The following STRN variants were observed in gnomAD, a reference collection of about 807,000 sequenced individuals.
STRN encodes striatin, also known as protein phosphatase 2 regulatory subunit B'''alpha.
STRN carries 53 observed loss-of-function variants against 96.3 expected under a neutral mutation model. That is an observed-to-expected ratio of 0.55 (90% CI 0.44 to 0.69). The LOEUF is 0.69. Ranked by LOEUF, STRN falls within the 30% of genes least tolerant of loss-of-function variation. The probability of loss-of-function intolerance (pLI) is 0.00; values close to 1 mark genes in which losing one functional copy is unlikely to be tolerated. For missense variants in STRN, 987 were observed against 963.9 expected (o/e 1.02, Z -0.32); for synonymous variants, 428 against 355.9 (o/e 1.20, Z -2.28).
chr2:36,879,169 C>A (rs1290764442), intron 9 of STRN, among the ~76,000 whole-genome samples: 2 of 152,014 alleles, frequency 1.3e-5, no homozygotes, highest in Non-Finnish European at 2.9e-5. Context: ...CTCCTGGGTT[C>A]AAGCAATTCT....
At chr2:36,885,219 T>C (rs1269623816) in intron 8 of STRN, among the ~76,000 whole-genome samples, 1 of 152,146 alleles carries the variant, frequency 6.6e-6, no homozygotes, top group Non-Finnish European at 1.5e-5. Context: ...GAATAACCAA[T>C]GGAAAAGTAG....
At chr2:36,958,972 A>T (rs958690480) in intron 1 of STRN, among the ~76,000 whole-genome samples, 1 of 151,992 alleles carries the variant, frequency 6.6e-6, no homozygotes, top group Admixed American at 6.6e-5. Context: ...AAAAATTAGC[A>T]GGGCATGGTG....
intron 10 of STRN, 126 bp from the exon 11 acceptor site, chr2:36,869,855 T>C (rs1668719420): frequency 2.7e-6 from 2 of 730,772 alleles, no homozygotes; most frequent in Non-Finnish European, 3.9e-6. Context: ...TAAAACAATA[T>C]AATTTTTATA....
At chr2:36,858,990 A>T (rs1668415357) in intron 13 of STRN, among the ~76,000 whole-genome samples, 1 of 152,204 alleles carries the variant, frequency 6.6e-6, no homozygotes, top group African/African-American at 2.4e-5. Context: ...ATGATTGACA[A>T]GAAGGCAGCA....
chr2:36,860,336 G>A (rs1262220669), intron 13 of STRN, among the ~76,000 whole-genome samples: 1 of 152,118 alleles, frequency 6.6e-6, no homozygotes. Context: ...GGAAAGACAT[G>A]GAACAGATAA....
At chr2:36,893,818 T>C (rs1390459458) in intron 7 of STRN, 80 bp downstream of exon 7, 5 of 1,483,980 alleles carry the variant, frequency 3.4e-6, no homozygotes, top group Non-Finnish European at 2.7e-6. Context: ...ACATTATAGT[T>C]AAGATGTTGC....
chr2:36,917,296 T>C (rs1053170812), intron 2 of STRN, among the ~76,000 whole-genome samples: 2 of 151,504 alleles, frequency 1.3e-5, no homozygotes, highest in Admixed American at 1.3e-4. Flanking sequence ...CCAAGGTAGA[T>C]GGATCACCAG....
At chr2:36,961,961 T>C (rs1273353856) in intron 1 of STRN, among the ~76,000 whole-genome samples, 3 of 152,170 alleles carry the variant, frequency 2.0e-5, no homozygotes, top group African/African-American at 7.2e-5. Flanking sequence ...GAGATCACCT[T>C]TTCAGGTCTT....
intron 6 of STRN, among the ~76,000 whole-genome samples, chr2:36,897,031 G>A (rs543185670): frequency 6.6e-6 from 1 of 152,164 alleles, no homozygotes; most frequent in South Asian, 2.1e-4. Context: ...GCCGGGTGTG[G>A]TGGTGCATGC....
At chr2:36,886,599 G>A (rs1669233827) in intron 8 of STRN, 117 bp downstream of exon 8, 9 of 728,268 alleles carry the variant, frequency 1.2e-5, no homozygotes, top group South Asian at 2.2e-5. Flanking sequence ...GAAAAGGAAA[G>A]AGGTCAGGAG....
At chr2:36,866,643 A>G (rs1240212298) in intron 12 of STRN, among the ~76,000 whole-genome samples, 1 of 152,206 alleles carries the variant, frequency 6.6e-6, no homozygotes, top group Non-Finnish European at 1.5e-5. Flanking sequence ...AAAGTCTCCC[A>G]CTATTATTGT....
intron 1 of STRN, among the ~76,000 whole-genome samples, chr2:36,952,189 T>C (rs1245085576): frequency 6.6e-6 from 1 of 152,204 alleles, no homozygotes; most frequent in African/African-American, 2.4e-5. Context: ...CTATATACTA[T>C]TAACCTGAAA....
At chr2:36,943,430 G>A (rs565603308) in intron 1 of STRN, among the ~76,000 whole-genome samples, 4 of 151,566 alleles carry the variant, frequency 2.6e-5, no homozygotes, top group Non-Finnish European at 4.4e-5. Context: ...AAACTTTTAC[G>A]AAGCTCTTAC....
At chr2:36,864,476 G>C (rs979031887) in intron 12 of STRN, among the ~76,000 whole-genome samples, 4 of 152,154 alleles carry the variant, frequency 2.6e-5, no homozygotes, top group Non-Finnish European at 5.9e-5. Flanking sequence ...TGTGTATACT[G>C]AACTAACCTT....
rs1159531782 is a variant in STRN, at chr2:36,957,744, C to CTTTTTTTTT, written c.234+8477_234+8485dup. On this transcript the variant is annotated intron_variant, in intron 1 of 17. Coordinates refer to ENST00000263918, the MANE Select transcript of STRN (RefSeq NM_003162.4). Reference sequence around the variant, plus strand: ...TTAGTCTCATAGTTCTTCTTTTTGTCTTTTTTTTTTTTTTTTTTTTTTTTT... The same window carrying CTTTTTTTTT: ...TTAGTCTCATAGTTCTTCTTTTTGTCTTTTTTTTTTTTTTTTTTTTTTTTTTTTTTTTTT... Among the ~76,000 whole-genome samples, 44 of 89,188 alleles carry CTTTTTTTTT rather than the reference C, an allele frequency of 4.9e-4. 7 individuals carry two copies. The highest frequency in any genetic ancestry group is 3.3e-3 in the East Asian group (6 of 1,796). The allele number at this position is 89,188 out of a possible 152,430, so 58.5% of individuals were successfully genotyped here. A position where few individuals can be genotyped will look rare whatever the true frequency, so the allele number is the denominator to read the frequency against.
chr2:36,884,093 G>T lies in STRN; in HGVS notation c.1043-18C>A, dbSNP rs377096535. ...ATTGGGCCCTAGCCAAAAAAAGGGGGGGTGGGAGGAGATAAAAAAGAGAAA... is the reference window on the plus strand; with the variant it reads ...ATTGGGCCCTAGCCAAAAAAAGGGGTGGTGGGAGGAGATAAAAAAGAGAAA... On this transcript the variant is annotated intron_variant, in intron 8 of 17. Coordinates refer to ENST00000263918, the MANE Select transcript of STRN (RefSeq NM_003162.4). 1.5e-6 allele frequency: 2 copies of T among 1,319,474 alleles called. No homozygotes were observed. Among genetic ancestry groups the T allele is most frequent in the Non-Finnish European group, 2.0e-6 (2 of 1,024,892 alleles). 81.7% of individuals were successfully genotyped at this position (1,319,474 alleles called of 1,614,324 possible).
chr2:36,935,647 C>T (rs1670682735), intron 1 of STRN, among the ~76,000 whole-genome samples: 1 of 152,152 alleles, frequency 6.6e-6, no homozygotes, highest in Non-Finnish European at 1.5e-5. Context: ...CAACAAAAAG[C>T]GGATTTTTGC....
chr2:36,882,252 A>G (rs1434420420), intron 9 of STRN, among the ~76,000 whole-genome samples: 1 of 152,204 alleles, frequency 6.6e-6, no homozygotes, highest in African/African-American at 2.4e-5. Context: ...TTGATCAATA[A>G]ATAATAATTT....
Position 36,849,333 on chromosome 2 carries a change from T to G in STRN, c.*123A>C. ...TTGCAAAACTATACTTCAACAAATG[T>G]TCTCTGTGCTCCTTCAGCAGAACAA... On this transcript the variant is annotated 3_prime_UTR_variant, in exon 18 of 18. Transcript: ENST00000263918. The G allele has an allele frequency of 6.9e-6, 8 of 1,155,248 alleles. No homozygotes were observed. In the South Asian group the frequency reaches 7.9e-5, roughly 11 times the overall value. 71.6% of individuals were successfully genotyped at this position (1,155,248 alleles called of 1,614,324 possible). A position where few individuals can be genotyped will look rare whatever the true frequency, so the allele number is the denominator to read the frequency against.
Sources: allele counts gnomAD v4.1 joint callset (sites outside exome capture counted in the v4.1 genomes callset), GRCh38; gene constraint gnomAD v4.1.1; transcripts MANE v1.5; gene names NCBI Gene and HGNC (gene_info 2026-07-23, HGNC 2026-07-21).